Variants in MYO3A observed in about 807,000 individuals in gnomAD.
MYO3A encodes the protein myosin IIIA.
MYO3A carries 180 observed loss-of-function variants against 192.7 expected under a neutral mutation model. The ratio of observed to expected loss-of-function variants is 0.93; its 90% CI spans 0.83 to 1.06. The LOEUF is 1.06. Among genes scored for constraint, MYO3A ranks in the 50% least tolerant of loss-of-function variants. MYO3A has a pLI of 0.00. For missense variants in MYO3A, 1,896 were observed against 1,905.0 expected, an observed-to-expected ratio of 1.00 and a Z score of 0.09; for synonymous variants, 628 against 645.3, an observed-to-expected ratio of 0.97 and a Z score of 0.41.
At chr10:25,972,018 T>C (rs1174908472) in intron 4 of MYO3A, among the ~76,000 whole-genome samples, 1 of 152,206 alleles carries the variant, frequency 6.6e-6, no homozygotes, top group African/African-American at 2.4e-5. Context: ...TTGAGCTACC[T>C]GAATGCTTCT....
intron 30 of MYO3A, among the ~76,000 whole-genome samples, chr10:26,176,117 AC>A (rs1842316346): frequency 1.3e-5 from 2 of 152,080 alleles, no homozygotes; most frequent in African/African-American, 2.4e-5. Context: ...ACGTGGTGAA[AC>A]CCTGTCTCTA....
chr10:26,133,532 T>G (rs1394403709), intron 20 of MYO3A, among the ~76,000 whole-genome samples: 1 of 152,318 alleles, frequency 6.6e-6, no homozygotes, highest in East Asian at 1.9e-4. Flanking sequence ...TCGACACCCT[T>G]AATGTGATGT....
chr10:26,009,708 C>G (rs1033876170), intron 6 of MYO3A, among the ~76,000 whole-genome samples: 11 of 152,218 alleles, frequency 7.2e-5, no homozygotes, highest in African/African-American at 2.7e-4. Flanking sequence ...GTGATAACTT[C>G]AGGTAAACCA....
intron 22 of MYO3A, 36 bp downstream of exon 22, chr10:26,145,570 T>C: frequency 6.9e-7 from 1 of 1,443,932 alleles, no homozygotes; most frequent in Non-Finnish European, 9.8e-7. Flanking sequence ...GAGTTTCTCC[T>C]TAGCCTTTTA....
chr10:26,073,300 G>A (rs1005749074), intron 14 of MYO3A, among the ~76,000 whole-genome samples: 6 of 152,072 alleles, frequency 3.9e-5, no homozygotes, highest in Admixed American at 6.5e-5. Context: ...GGCCGGGAGT[G>A]GTGGCTCATG....
At chr10:26,081,139 C>CG (rs1554820874) in intron 14 of MYO3A, among the ~76,000 whole-genome samples, 1 of 106,308 alleles carries the variant, frequency 9.4e-6, no homozygotes, top group Admixed American at 8.5e-5. Context: ...CCCTTCCCCC[C>CG]CCCCCCGCCC....
At chr10:26,034,012 T>G (rs1041132253) in intron 10 of MYO3A, among the ~76,000 whole-genome samples, 2 of 150,884 alleles carry the variant, frequency 1.3e-5, no homozygotes, top group African/African-American at 4.9e-5. Context: ...GACTGAGAGG[T>G]TTGACCTGTG....
chr10:26,067,576 CT>C (rs1242131891), intron 11 of MYO3A, among the ~76,000 whole-genome samples: 2 of 152,168 alleles, frequency 1.3e-5, no homozygotes, highest in Non-Finnish European at 2.9e-5. Context: ...GGTCAGTGTT[CT>C]TCCTCATGGG....
At chr10:26,011,674 ATCAG>A (rs1030639400) in intron 6 of MYO3A, among the ~76,000 whole-genome samples, 1 of 152,200 alleles carries the variant, frequency 6.6e-6, no homozygotes. Flanking sequence ...ACTGAATTCT[ATCAG>A]ACATTCAAAG....
chr10:26,126,279 T>C (rs546532198), intron 19 of MYO3A, among the ~76,000 whole-genome samples: 15 of 152,306 alleles, frequency 9.8e-5, no homozygotes, highest in Admixed American at 2.0e-4. Context: ...CTGTGATAAA[T>C]GGCATAATCT....
At chr10:26,139,671 G>A (rs1004212444) in intron 20 of MYO3A, among the ~76,000 whole-genome samples, 7 of 152,014 alleles carry the variant, frequency 4.6e-5, no homozygotes, top group Admixed American at 1.3e-4. Flanking sequence ...GTTGGGGTGC[G>A]GTGGGGGAAT....
At chr10:26,100,581 T>A (rs1013343115) in intron 17 of MYO3A, among the ~76,000 whole-genome samples, 2 of 152,222 alleles carry the variant, frequency 1.3e-5, no homozygotes, top group African/African-American at 4.8e-5. Context: ...TTTAAGTGTG[T>A]CCCAGAGATT....
At chr10:26,124,368 G>A (rs961118067) in intron 18 of MYO3A, among the ~76,000 whole-genome samples, 3 of 151,870 alleles carry the variant, frequency 2.0e-5, no homozygotes, top group East Asian at 3.8e-4. Flanking sequence ...ATATTATGCA[G>A]CAAATTAAAG....
Position 26,157,517 on chromosome 10 carries a change from T to C in MYO3A, c.2999+2T>C. 1 of 1,612,118 alleles carries C rather than the reference T, an allele frequency of 6.2e-7. No homozygotes were observed. Among genetic ancestry groups the C allele is most frequent in the Non-Finnish European group, 8.5e-7 (1 of 1,178,204 alleles). On this transcript the variant is annotated splice_donor_variant, in intron 26 of 34. Transcript: ENST00000642920. LOFTEE classifies it high-confidence loss of function. ...ACTTTTTGCTAACTTTATAAAGCGGTATGTGGATTTCTTTTTCAGTTTCTA... is the reference window on the plus strand; with the variant it reads ...ACTTTTTGCTAACTTTATAAAGCGGCATGTGGATTTCTTTTTCAGTTTCTA...
Position 26,039,972 on chromosome 10 carries a change from A to G in MYO3A, c.953+13440A>G, listed in dbSNP as rs533677292. Among the ~76,000 whole-genome samples the G allele has an allele frequency of 2.7e-4, 39 of 146,972 alleles. No homozygotes were observed. In the South Asian group the frequency reaches 8.0e-3, roughly 30 times the overall value. Reference sequence around the variant, plus strand: ...TCTTGCATACATCATTAGGTTGTTTATTTGAAGTTTTTTTTTAATTTTTGA... The same window carrying G: ...TCTTGCATACATCATTAGGTTGTTTGTTTGAAGTTTTTTTTTAATTTTTGA... On this transcript the variant is annotated intron_variant, in intron 10 of 34. Coordinates refer to ENST00000642920, the MANE Select transcript of MYO3A (RefSeq NM_017433.5).
intron 25 of MYO3A, among the ~76,000 whole-genome samples, chr10:26,155,124 A>G (rs569137577): frequency 1.2e-4 from 19 of 152,326 alleles, no homozygotes; most frequent in South Asian, 6.2e-4. Context: ...TTTTACTTCA[A>G]TGCTATGATA....
At chr10:26,042,819 T>G (rs544953510) in intron 10 of MYO3A, among the ~76,000 whole-genome samples, 1 of 152,334 alleles carries the variant, frequency 6.6e-6, no homozygotes, top group African/African-American at 2.4e-5. Context: ...CCTGGTGACT[T>G]ACTTAGTTTA....
rs116829370 is a variant in MYO3A at position 26,095,470 on chromosome 10, A to G, written c.1563-911A>G. On this transcript the variant is annotated intron_variant, in intron 15 of 34. Coordinates refer to ENST00000642920, the MANE Select transcript of MYO3A (RefSeq NM_017433.5). ...CCCCAGGGTGTCCCAGCTGACCACT[A>G]GGCTCATCAAGAGTGGAAGTAAAGC... 6.3e-3 allele frequency among the ~76,000 whole-genome samples: 959 copies of G among 152,258 alleles called. 12 individuals carry two copies. The highest frequency in any genetic ancestry group is 0.022 in the African/African-American group (898 of 41,536).
rs2132256668 is a variant in MYO3A at position 26,211,951 on chromosome 10, C to T, written c.4839C>T (p.Val1613=). The T allele has an allele frequency of 6.2e-7, 1 of 1,613,980 alleles. No individual in the cohort carries two copies. The highest frequency in any genetic ancestry group is 2.2e-5 in the East Asian group (1 of 44,882). Residue 1613 remains valine (V), a synonymous_variant, in exon 35 of 35, where the codon GTC becomes GTT. Coordinates refer to ENST00000642920, the MANE Select transcript of MYO3A (RefSeq NM_017433.5). ...LRKTSQRRRL[V]QQS is the part of the protein sequence containing the mutation. ...AAACCTCCCAGCGCCGGCGCCTCGT[C>T]CAGCAGTCCTAACCGTTCAACGAGG...
Sources: allele counts gnomAD v4.1 joint callset (sites outside exome capture counted in the v4.1 genomes callset), GRCh38; gene constraint gnomAD v4.1.1; transcripts MANE v1.5; gene names NCBI Gene and HGNC (gene_info 2026-07-23, HGNC 2026-07-21).